The following NHS variants were observed in gnomAD, a reference collection of about 807,000 sequenced individuals.
The protein encoded by NHS is NHS actin remodeling regulator.
NHS carries 5 observed loss-of-function variants against 72.5 expected under a neutral mutation model. The observed-to-expected ratio is 0.07, with a 90% CI of 0.04 to 0.14. The LOEUF is 0.14. NHS is among the 10% of genes least tolerant of loss of function. The probability of loss-of-function intolerance (pLI) is 1.00; values close to 1 mark genes in which losing one functional copy is unlikely to be tolerated. For missense variants in NHS, 1,072 were observed against 1,355.7 expected (o/e 0.79, Z 3.29); for synonymous variants, 464 against 547.7 (o/e 0.85, Z 2.13).
At chrX:17,557,345 A>C (rs2065384038) in intron 1 of NHS, 1 of 106,892 alleles carries the variant, frequency 9.4e-6, no homozygotes. Context: ...ATATATATAT[A>C]TATCTTGCAT....
chrX:17,391,594 G>A (rs1327209862), intron 1 of NHS, among the ~76,000 whole-genome samples: 1 of 112,111 alleles, frequency 8.9e-6, no homozygotes, highest in African/African-American at 3.2e-5. Flanking sequence ...TTCTGAACCA[G>A]TGTAAACGTT....
Position 17,727,857 on chromosome X carries a change from G to T in NHS, c.3751G>T (p.Val1251Leu). 2 of 1,211,832 alleles carry T rather than the reference G, an allele frequency of 1.7e-6. No homozygotes were observed. Among genetic ancestry groups the T allele is most frequent in the Non-Finnish European group, 2.2e-6 (2 of 895,488 alleles). ...AGATTCAAATGTCACAAAAGACCAA[G>T]TGCGTACAGAGACTGAGCCTATTCC... is the stretch of plus-strand genomic sequence containing the variant. ...LLDSNVTKDQ[V>L]RTETEPIPEN... Residue 1251 changes from valine (V) to leucine (L), a missense_variant, in exon 7 of 9, where the codon GTG becomes TTG. By Grantham distance (32) the Val-to-Leu change is conservative (BLOSUM62 1). Coordinates refer to ENST00000676302, the MANE Select transcript of NHS (RefSeq NM_001291867.2).
Position 17,732,357 on chromosome X carries a change from G to A in NHS, c.4849G>A (p.Val1617Ile), listed in dbSNP as rs2066494198. The change falls in exon 9 of 9, where the codon GTC becomes ATC. Residue 1617 changes from valine to isoleucine, a missense_variant. Coordinates refer to ENST00000676302, the MANE Select transcript of NHS (RefSeq NM_001291867.2). ...TGCAGCCAGCAGCAGCCGCTACAGT[G>A]TCCGCTGCCGGCTGTACAATACGCC... is the stretch of plus-strand genomic sequence containing the variant. The part of the protein sequence containing the change: ...PPAASSSRYS[V>I]RCRLYNTPMQ... 3 of 1,212,534 alleles carry A rather than the reference G, an allele frequency of 2.5e-6. No individual in the cohort carries two copies. Among genetic ancestry groups the A allele is most frequent in the East Asian group, 3.0e-5 (1 of 33,866 alleles).
chrX:17,416,819 T>A (rs12832459), intron 1 of NHS, among the ~76,000 whole-genome samples: 11,198 of 97,841 alleles, frequency 0.11, 942 homozygotes, highest in African/African-American at 0.24. Flanking sequence ...TGTGTGTGTG[T>A]GAGAGAGAGA....
chrX:17,616,831 T>G (rs1488558797), intron 1 of NHS, among the ~76,000 whole-genome samples: 1 of 112,594 alleles, frequency 8.9e-6, no homozygotes, highest in African/African-American at 3.2e-5. Context: ...AATTTTTAAA[T>G]TCCATTCTTT....
chrX:17,731,963 T>G lies in NHS; in HGVS notation c.4455T>G (p.Thr1485=), dbSNP rs756950495. ...GCAGCAGCAGCGCCAGTTCCATCAC[T>G]TCACCCAGCAGTAATGTGACAACCC... ...SSSSSSASSI[T]SPSSNVTTPN... The change falls in exon 9 of 9, where the codon ACT becomes ACG. Residue 1485 remains threonine (T), a synonymous_variant. Transcript: ENST00000676302. The G allele has an allele frequency of 1.7e-6, 2 of 1,209,663 alleles. No individual in the cohort carries two copies. The highest frequency in any genetic ancestry group is 3.5e-5 in the African/African-American group (2 of 57,039).
At chrX:17,387,911 C>G (rs781387941) in intron 1 of NHS, among the ~76,000 whole-genome samples, 1 of 112,799 alleles carries the variant, frequency 8.9e-6, no homozygotes, top group African/African-American at 3.2e-5. Flanking sequence ...CTATTATTGG[C>G]TATTTTATTG....
At chrX:17,541,031 C>T (rs1360202230) in intron 1 of NHS, among the ~76,000 whole-genome samples, 2 of 111,528 alleles carry the variant, frequency 1.8e-5, no homozygotes, top group Non-Finnish European at 3.8e-5. Flanking sequence ...AAGATTGCAC[C>T]AATGTACTCC....
chrX:17,543,628 G>C (rs1228655898), intron 1 of NHS, among the ~76,000 whole-genome samples: 1 of 111,660 alleles, frequency 9.0e-6, no homozygotes, highest in Non-Finnish European at 1.9e-5. Context: ...ATACTCTGTA[G>C]GCAGTTCTTG....
At position 17,463,557 on chromosome X, in the gene NHS, T is replaced by G. The variant is rs762594286; in HGVS notation, c.565+87235T>G. ...CAGATAAATAGGATATTATTGAAAC[T>G]GATATTCCAGGGTTGCTGTGGCCTC... On this transcript the variant is annotated intron_variant, in intron 1 of 8. Transcript: ENST00000676302. Among the ~76,000 whole-genome samples the G allele has an allele frequency of 6.3e-5, 7 of 111,695 alleles. 1 individual carries two copies. Among genetic ancestry groups the G allele is most frequent in the African/African-American group, 1.3e-4 (4 of 30,785 alleles).
chrX:17,702,915 C>T (rs184154247), intron 3 of NHS, among the ~76,000 whole-genome samples: 1 of 110,703 alleles, frequency 9.0e-6, no homozygotes, highest in Non-Finnish European at 1.9e-5. Flanking sequence ...TGGCCACTCC[C>T]CTGCTTCCCA....
chrX:17,403,867 A>T (rs774609564), intron 1 of NHS, among the ~76,000 whole-genome samples: 2 of 110,999 alleles, frequency 1.8e-5, no homozygotes, highest in African/African-American at 6.6e-5. Flanking sequence ...CTCCTTGGGA[A>T]CCAGATTGCC....
rs1233913192 is a variant in NHS at position 17,426,610 on chromosome X, G to C, written c.565+50288G>C. Among the ~76,000 whole-genome samples, 3 of 112,318 alleles carry C rather than the reference G, an allele frequency of 2.7e-5. No homozygotes were observed. The South Asian group carries it at 1.1e-3, about 42-fold the overall frequency. ...TAGCTTCGACATTCTGCAATTTGAT[G>C]AGTGCTTGGCTGCTGGAAAATGTCA... On this transcript the variant is annotated intron_variant, in intron 1 of 8. Transcript: ENST00000676302.
chrX:17,575,504 T>A lies in NHS; in HGVS notation c.566-112238T>A, dbSNP rs745731445. On this transcript the variant is annotated intron_variant, in intron 1 of 8. Coordinates refer to ENST00000676302, the MANE Select transcript of NHS (RefSeq NM_001291867.2). ...TCATCCTCCAGAACTCTGCTTAATG[T>A]TACCTCCTCATACTTGAGTATCCCT... Among the ~76,000 whole-genome samples, 8 of 112,776 alleles carry A rather than the reference T, an allele frequency of 7.1e-5. No homozygotes were observed. In the East Asian group the frequency reaches 2.2e-3, roughly 31 times the overall value.
chrX:17,519,399 G>C (rs979485610), intron 1 of NHS, among the ~76,000 whole-genome samples: 3 of 112,178 alleles, frequency 2.7e-5, no homozygotes, highest in African/African-American at 9.7e-5. Context: ...AAGTAAAAAA[G>C]AAAGAAATGT....
chrX:17,602,031 T>C (rs964558066), intron 1 of NHS, among the ~76,000 whole-genome samples: 1 of 111,893 alleles, frequency 8.9e-6, no homozygotes, highest in Non-Finnish European at 1.9e-5. Flanking sequence ...GAGGTGTCAG[T>C]GCATGCCAGG....
At chrX:17,470,552 C>T (rs1027706436) in intron 1 of NHS, among the ~76,000 whole-genome samples, 2 of 111,724 alleles carry the variant, frequency 1.8e-5, no homozygotes, top group South Asian at 3.8e-4. Context: ...TGGAACCCTG[C>T]GAGATAAGCA....
At chrX:17,513,000 C>T (rs1298676755) in intron 1 of NHS, among the ~76,000 whole-genome samples, 2 of 111,924 alleles carry the variant, frequency 1.8e-5, no homozygotes, top group Non-Finnish European at 3.8e-5. Context: ...CCTGGTCTCA[C>T]CTACTCATTT....
chrX:17,654,659 A>C (rs1162878943), intron 1 of NHS, among the ~76,000 whole-genome samples: 1 of 112,431 alleles, frequency 8.9e-6, no homozygotes, highest in Non-Finnish European at 1.9e-5. Context: ...CCCAGCGCCT[A>C]AACATCCCTA....
Sources: gnomAD v4.1 joint callset for allele counts (sites outside exome capture counted in the v4.1 genomes callset) on GRCh38, gnomAD v4.1.1 for gene constraint, MANE v1.5 for transcripts, NCBI Gene and HGNC (gene_info 2026-07-23, HGNC 2026-07-21) for gene names.